DCC: variants seen among roughly 807,000 people sequenced by gnomAD.
DCC encodes the protein netrin receptor DCC.
DCC carries 58 observed loss-of-function variants against 172.5 expected under a neutral mutation model. The observed-to-expected ratio is 0.34, with a 90% CI of 0.27 to 0.42. The LOEUF (loss-of-function observed/expected upper bound fraction) is 0.42. Among genes scored for constraint, DCC ranks in the 10% least tolerant of loss-of-function variants. DCC has a pLI of 1.00. For synonymous variants in DCC, 709 were observed against 644.5 expected (o/e 1.10, Z -1.52); for missense variants, 1,740 against 1,791.0 (o/e 0.97, Z 0.51).
intron 27 of DCC, among the ~76,000 whole-genome samples, chr18:53,511,383 T>A (rs2046249663): frequency 6.6e-6 from 1 of 152,192 alleles, no homozygotes; most frequent in Admixed American, 6.5e-5. Context: ...GGCTGGGACT[T>A]CTGGAGTCAG....
At chr18:52,472,682 C>T (rs1988981229) in intron 1 of DCC, among the ~76,000 whole-genome samples, 2 of 152,162 alleles carry the variant, frequency 1.3e-5, no homozygotes, top group South Asian at 4.1e-4. Flanking sequence ...GTGGGATAAT[C>T]ACTTGAGACC....
At chr18:53,105,882 G>A (rs1240680270) in intron 7 of DCC, among the ~76,000 whole-genome samples, 2 of 151,482 alleles carry the variant, frequency 1.3e-5, no homozygotes, top group African/African-American at 4.9e-5. Flanking sequence ...ACTTTTGAAT[G>A]TCCTCTTTAG....
intron 12 of DCC, among the ~76,000 whole-genome samples, chr18:53,253,009 A>G (rs2056457840): frequency 6.6e-6 from 1 of 152,012 alleles, no homozygotes; most frequent in Non-Finnish European, 1.5e-5. Flanking sequence ...CTGACTCCTG[A>G]TAAATTACTC....
chr18:53,265,560 TCTGAATCTTACC>T (rs1488597297), intron 12 of DCC, among the ~76,000 whole-genome samples: 1 of 152,226 alleles, frequency 6.6e-6, no homozygotes, highest in Non-Finnish European at 1.5e-5. Context: ...CTGTTAGTTT[TCTGAATCTTACC>T]CTAATCAAGT....
intron 1 of DCC, among the ~76,000 whole-genome samples, chr18:52,594,186 G>T (rs2033861193): frequency 1.3e-5 from 2 of 152,164 alleles, no homozygotes; most frequent in South Asian, 4.1e-4. Context: ...TGGATATTTG[G>T]TAGAAACTTG....
chr18:52,679,979 A>G (rs1225168219), intron 1 of DCC, among the ~76,000 whole-genome samples: 1 of 152,018 alleles, frequency 6.6e-6, no homozygotes, highest in Non-Finnish European at 1.5e-5. Context: ...ATTGTACGGA[A>G]TTCCACCACT....
intron 1 of DCC, among the ~76,000 whole-genome samples, chr18:52,494,114 T>A (rs536034532): frequency 6.6e-6 from 1 of 152,140 alleles, no homozygotes; most frequent in East Asian, 1.9e-4. Flanking sequence ...GAATTCTAAG[T>A]TGGAATTTAT....
At chr18:53,515,308 A>C (rs952096227) in intron 27 of DCC, among the ~76,000 whole-genome samples, 18 of 151,098 alleles carry the variant, frequency 1.2e-4, no homozygotes, top group Admixed American at 7.3e-4. Context: ...TCCAAATAAT[A>C]AGAGCTATCT....
chr18:52,569,196 T>A (rs929261578), intron 1 of DCC, among the ~76,000 whole-genome samples: 16 of 152,172 alleles, frequency 1.1e-4, no homozygotes, highest in Non-Finnish European at 4.4e-5. Context: ...CTGGGCTGGA[T>A]AAAAGAGGAA....
intron 4 of DCC, among the ~76,000 whole-genome samples, chr18:52,924,990 T>G (rs972937667): frequency 6.6e-6 from 1 of 151,834 alleles, no homozygotes; most frequent in Non-Finnish European, 1.5e-5. Context: ...TTTTTAGCAC[T>G]AAAGTTACTT....
chr18:53,044,252 A>G (rs1261389961), intron 5 of DCC, among the ~76,000 whole-genome samples: 3 of 151,884 alleles, frequency 2.0e-5, no homozygotes, highest in Admixed American at 6.6e-5. Context: ...AAGGCAAGAT[A>G]GTCTCTTTTT....
chr18:52,449,690 T>A (rs981667405), intron 1 of DCC, among the ~76,000 whole-genome samples: 2 of 152,218 alleles, frequency 1.3e-5, no homozygotes, highest in Non-Finnish European at 2.9e-5. Flanking sequence ...CACCCAAATC[T>A]TACCTTTAAT....
intron 5 of DCC, among the ~76,000 whole-genome samples, chr18:53,024,191 A>G (rs957838684): frequency 1.3e-5 from 2 of 152,144 alleles, no homozygotes. Context: ...AACACGCTAA[A>G]TTTTCTCTTA....
intron 1 of DCC, among the ~76,000 whole-genome samples, chr18:52,614,146 C>G (rs1039146446): frequency 6.6e-6 from 1 of 152,100 alleles, no homozygotes; most frequent in Admixed American, 6.6e-5. Context: ...TGCCAAAGTC[C>G]CTGCTGGTGA....
At chr18:53,462,048 G>A (rs552782505) in intron 24 of DCC, among the ~76,000 whole-genome samples, 9 of 152,308 alleles carry the variant, frequency 5.9e-5, no homozygotes, top group Admixed American at 3.3e-4. Context: ...GGAGTGAAGA[G>A]GGAGGGGAGG....
intron 15 of DCC, among the ~76,000 whole-genome samples, chr18:53,367,735 G>C (rs922512940): frequency 5.9e-5 from 9 of 151,982 alleles, no homozygotes; most frequent in African/African-American, 2.2e-4. Context: ...CTATGATTTT[G>C]ACTACTCTAT....
intron 9 of DCC, among the ~76,000 whole-genome samples, chr18:53,192,623 A>G (rs1456314015): frequency 6.6e-6 from 1 of 152,148 alleles, no homozygotes; most frequent in East Asian, 1.9e-4. Flanking sequence ...TAAAGAAGAA[A>G]ATAGTTTGTG....
At chr18:52,524,024 G>GCC (rs1478929128) in intron 1 of DCC, among the ~76,000 whole-genome samples, 1 of 152,134 alleles carries the variant, frequency 6.6e-6, no homozygotes, top group African/African-American at 2.4e-5. Context: ...TTGGTGTCTT[G>GCC]TCATCAGACG....
At chr18:53,022,635 T>C (rs561559458) in intron 5 of DCC, among the ~76,000 whole-genome samples, 2 of 151,688 alleles carry the variant, frequency 1.3e-5, no homozygotes, top group Non-Finnish European at 2.9e-5. Flanking sequence ...ATTACCATAT[T>C]GAAATGGGTG....
Sources: allele counts gnomAD v4.1 joint callset (sites outside exome capture counted in the v4.1 genomes callset), GRCh38; gene constraint gnomAD v4.1.1; transcripts MANE v1.5; gene names NCBI Gene and HGNC (gene_info 2026-07-23, HGNC 2026-07-21).